Variants in CENPP observed in about 807,000 individuals in gnomAD.
The protein encoded by CENPP is centromere protein P.
Under a neutral mutation model 35.6 loss-of-function variants are expected in CENPP, and 24 were observed. The ratio of observed to expected loss-of-function variants is 0.67; its 90% confidence interval spans 0.49 to 0.95. The LOEUF is 0.95. Among genes scored for constraint, CENPP ranks in the 40% least tolerant of loss-of-function variants. CENPP has a pLI of 0.00. For synonymous variants in CENPP, 120 were observed against 125.5 expected (o/e 0.96, Z 0.29); for missense variants, 332 against 345.3 (o/e 0.96, Z 0.31).
At chr9:92,511,671 A>G (rs1284584738) in intron 5 of CENPP, among the ~76,000 whole-genome samples, 3 of 152,150 alleles carry the variant, frequency 2.0e-5, no homozygotes, top group Non-Finnish European at 1.5e-5. Context: ...GAGGTTCCAG[A>G]TAGGCTCAAT....
chr9:92,489,847 G>T (rs1846138213), intron 5 of CENPP, among the ~76,000 whole-genome samples: 1 of 152,166 alleles, frequency 6.6e-6, no homozygotes, highest in Admixed American at 6.5e-5. Context: ...TGCCAAGGCT[G>T]CAGGGTCCCC....
intron 5 of CENPP, among the ~76,000 whole-genome samples, chr9:92,576,159 A>AT (rs1564008898): frequency 6.6e-6 from 1 of 152,222 alleles, no homozygotes; most frequent in East Asian, 1.9e-4. Context: ...ATAATGGAAT[A>AT]TTATTCAGCT....
intron 5 of CENPP, among the ~76,000 whole-genome samples, chr9:92,398,253 C>A (rs1842973450): frequency 6.6e-6 from 1 of 152,154 alleles, no homozygotes; most frequent in African/African-American, 2.4e-5. Flanking sequence ...ATTTGAAGCA[C>A]AATCAAGTTT....
intron 5 of CENPP, chr9:92,466,678 T>C (rs1423820209): frequency 2.0e-6 from 2 of 1,002,070 alleles, no homozygotes; most frequent in African/African-American, 1.6e-5. Flanking sequence ...ATATCAGTGG[T>C]GTACTAGATC....
intron 5 of CENPP, among the ~76,000 whole-genome samples, chr9:92,563,021 G>T (rs1006193248): frequency 6.6e-6 from 1 of 152,084 alleles, no homozygotes; most frequent in African/African-American, 2.4e-5. Flanking sequence ...TGTTTTTATT[G>T]TGCTGTTTTT....
At chr9:92,416,650 T>G (rs776636977) in intron 5 of CENPP, 1 of 1,599,646 alleles carries the variant, frequency 6.3e-7, no homozygotes, top group Non-Finnish European at 8.5e-7. Context: ...GGTATAGGTG[T>G]TCCAAATTTC....
intron 5 of CENPP, among the ~76,000 whole-genome samples, chr9:92,589,343 C>CAA (rs568284455): frequency 2.3e-5 from 3 of 130,534 alleles, no homozygotes; most frequent in Middle Eastern, 4.0e-3. Flanking sequence ...GACCCTGTCT[C>CAA]AAAAAAAAAA....
At chr9:92,386,321 GTTA>G in intron 5 of CENPP, 1 of 1,418,142 alleles carries the variant, frequency 7.1e-7, no homozygotes, top group Non-Finnish European at 1.0e-6. Context: ...TCATGTGAGT[GTTA>G]TTGAGGTTCT....
chr9:92,429,185 C>T (rs1222118864), intron 5 of CENPP, among the ~76,000 whole-genome samples: 1 of 152,116 alleles, frequency 6.6e-6, no homozygotes, highest in Non-Finnish European at 1.5e-5. Context: ...GCATCTTCTT[C>T]TCCATTTTCT....
chr9:92,615,977 G>A lies in CENPP; in HGVS notation c.*2828G>A. On this transcript the variant is annotated 3_prime_UTR_variant, in exon 8 of 8. Coordinates refer to ENST00000375587, the MANE Select transcript of CENPP (RefSeq NM_001012267.3). ...ATACTGATGGGGAATGCTCTCGTAG[G>A]GCTTGAGGTCAAGGTCCAGCACAGA... The A allele has an allele frequency of 6.2e-7, 1 of 1,614,072 alleles. No individual in the cohort carries two copies.
intron 5 of CENPP, among the ~76,000 whole-genome samples, chr9:92,601,149 AT>A (rs1850907086): frequency 1.3e-5 from 2 of 152,226 alleles, no homozygotes; most frequent in South Asian, 4.1e-4. Flanking sequence ...TAGCCACTGC[AT>A]TCCTTTCTGC....
chr9:92,537,486 C>T (rs1311630814), intron 5 of CENPP, among the ~76,000 whole-genome samples: 1 of 151,884 alleles, frequency 6.6e-6, no homozygotes, highest in Non-Finnish European at 1.5e-5. Flanking sequence ...CATGTGAAAC[C>T]CCGTCTCTAC....
intron 4 of CENPP, among the ~76,000 whole-genome samples, chr9:92,352,505 G>GTGTGTATATATATATATATATATA: frequency 1.0e-4 from 5 of 49,794 alleles, no homozygotes; most frequent in African/African-American, 7.2e-4. Flanking sequence ...GTGTGTGTGT[G>GTGTGTATATATATATATATATATA]TATACATATA....
rs190292439 is a variant in CENPP at position 92,470,810 on chromosome 9, T to C, written c.564+90951T>C. ...AGAAAGAAACAAACATATTATATAA[T>C]AGAGAATCATGCTGAAGATGAGATT... On this transcript the variant is annotated intron_variant, in intron 5 of 7. Coordinates refer to ENST00000375587, the MANE Select transcript of CENPP (RefSeq NM_001012267.3). 1.4e-5 allele frequency: 18 copies of C among 1,265,036 alleles called. No homozygotes were observed. The East Asian group carries it at 4.4e-4, about 31-fold the overall frequency. The allele number at this position is 1,265,036 out of a possible 1,614,324, so 78.4% of individuals were successfully genotyped here. A position where few individuals can be genotyped will look rare whatever the true frequency, so the allele number is the denominator to read the frequency against.
chr9:92,337,569 A>G lies in CENPP; in HGVS notation c.318A>G (p.Arg106=), dbSNP rs1214308780. 7 of 1,608,464 alleles carry G rather than the reference A, an allele frequency of 4.4e-6. No individual in the cohort carries two copies. Among genetic ancestry groups the G allele is most frequent in the East Asian group, 2.2e-5 (1 of 44,860 alleles). The change falls in exon 3 of 8, where the codon AGA becomes AGG. Residue 106 remains arginine (R), a synonymous_variant. Transcript: ENST00000375587. ...KSIRKVLQRH[R]LSGNCHMVTF... is the part of the protein sequence containing the mutation. ...TTAGAAAAGTTCTACAGAGACACAG[A>G]TTATCAGGAAATTGCCACATGGTTA...
At chr9:92,451,624 A>G (rs1232261834) in intron 5 of CENPP, among the ~76,000 whole-genome samples, 1 of 152,080 alleles carries the variant, frequency 6.6e-6, no homozygotes, top group South Asian at 2.1e-4. Context: ...GTTTTTTCCG[A>G]TTCTGTGAAG....
intron 2 of CENPP, among the ~76,000 whole-genome samples, chr9:92,336,400 C>T (rs1010862341): frequency 3.9e-5 from 6 of 152,220 alleles, no homozygotes; most frequent in East Asian, 1.9e-4. Context: ...TCATAATACC[C>T]GTCTCGTATT....
At position 92,451,236 on chromosome 9, in the gene CENPP, C is replaced by T. The variant is rs1268771470; in HGVS notation, c.564+71377C>T. On this transcript the variant is annotated intron_variant, in intron 5 of 7. Coordinates refer to ENST00000375587, the MANE Select transcript of CENPP (RefSeq NM_001012267.3). ...AGGGTTTTTATGGTTTTAGGTCTAA[C>T]GTTTAAGTCTTTAATCCATCTTGAA... Among the ~76,000 whole-genome samples the T allele has an allele frequency of 1.8e-4, 27 of 150,016 alleles. No individual in the cohort carries two copies. In the East Asian group the frequency reaches 2.1e-3, roughly 12 times the overall value.
At chr9:92,519,147 C>T (rs1847910114) in intron 5 of CENPP, among the ~76,000 whole-genome samples, 1 of 152,136 alleles carries the variant, frequency 6.6e-6, no homozygotes, top group Admixed American at 6.5e-5. Flanking sequence ...CTAACTCAGC[C>T]CAATTCAGGC....
Sources: gnomAD v4.1 joint callset for allele counts (sites outside exome capture counted in the v4.1 genomes callset) on GRCh38, gnomAD v4.1.1 for gene constraint, MANE v1.5 for transcripts, NCBI Gene and HGNC (gene_info 2026-07-23, HGNC 2026-07-21) for gene names.